TVP23A: variants seen among roughly 807,000 people sequenced by gnomAD.
The protein encoded by TVP23A is Golgi apparatus membrane protein TVP23 homolog A.
A neutral mutation model predicts 31.7 loss-of-function variants in TVP23A; 21 were observed. That is an observed-to-expected ratio of 0.66 (90% CI 0.47 to 0.95). The LOEUF is 0.95. TVP23A is among the 40% of genes least tolerant of loss of function. The probability of loss-of-function intolerance (pLI) is 0.00; values close to 1 mark genes in which losing one functional copy is unlikely to be tolerated. For synonymous variants in TVP23A, 104 were observed against 96.0 expected, an observed-to-expected ratio of 1.08 and a Z score of -0.49; for missense variants, 279 against 255.6, an observed-to-expected ratio of 1.09 and a Z score of -0.62.
Position 10,775,036 on chromosome 16 carries a change from C to G in TVP23A, c.150G>C (p.Val50=), listed in dbSNP as rs1353791070. ...AGCTCTTGCTGAACCAGTCGCAGCT[C>G]ACGTAGGTGACGATGGCACTCACTC... The part of the protein sequence containing the change: ...FFRVSAIVTY[V]SCDWFSKSFV... The change falls in exon 3 of 8, where the codon GTG becomes GTC. Residue 50 remains valine, a synonymous_variant. Coordinates refer to ENST00000299866, the MANE Select transcript of TVP23A (RefSeq NM_001079512.4). The G allele has an allele frequency of 6.2e-7, 1 of 1,612,254 alleles. No individual in the cohort carries two copies. The highest frequency in any genetic ancestry group is 1.1e-5 in the South Asian group (1 of 90,666).
chr16:10,788,799 A>T (rs531985794), intron 2 of TVP23A, among the ~76,000 whole-genome samples: 4 of 152,298 alleles, frequency 2.6e-5, no homozygotes, highest in African/African-American at 9.6e-5. Flanking sequence ...AACAGAGAGT[A>T]GCTAGTAGGA....
At chr16:10,761,236 T>C (rs1408599070) in exon 9 of TVP23A, 1 of 776,506 alleles carries the variant, frequency 1.3e-6, no homozygotes, top group Non-Finnish European at 2.1e-6. Flanking sequence ...AGCCAAACCC[T>C]ATCAGGGCAG....
At chr16:10,798,244 C>T (rs990624958) in intron 2 of TVP23A, among the ~76,000 whole-genome samples, 1 of 152,022 alleles carries the variant, frequency 6.6e-6, no homozygotes, top group African/African-American at 2.4e-5. Context: ...CAGGTGTGCG[C>T]CCGCGCCCGG....
chr16:10,768,233 G>A lies in TVP23A; in HGVS notation c.*869C>T, dbSNP rs1326117168. 2 of 444,294 alleles carry A rather than the reference G, an allele frequency of 4.5e-6. No individual in the cohort carries two copies. The highest frequency in any genetic ancestry group is 8.0e-6 in the Non-Finnish European group (2 of 250,186). 27.5% of individuals were successfully genotyped at this position (444,294 alleles called of 1,614,324 possible). The stretch of plus-strand genomic sequence containing the variant: ...ATTAATTCATAGTTTAAAAAACATG[G>A]TGAGGGTGAAATTTATGGCTTAGGA... On this transcript the variant is annotated 3_prime_UTR_variant, in exon 8 of 8. Transcript: ENST00000299866. This position sits in a 1 kb window ranked among gnomAD's most constrained non-coding sequence, Gnocchi z 4.3.
intron 2 of TVP23A, among the ~76,000 whole-genome samples, chr16:10,788,023 A>C (rs1378249195): frequency 1.3e-5 from 2 of 152,158 alleles, no homozygotes; most frequent in African/African-American, 4.8e-5. Context: ...GGGTCCTGAG[A>C]ACATGTGCCC....
intron 2 of TVP23A, among the ~76,000 whole-genome samples, chr16:10,789,989 T>C (rs983716081): frequency 2.0e-5 from 3 of 152,174 alleles, no homozygotes; most frequent in Non-Finnish European, 4.4e-5. Flanking sequence ...TCTAAAGACC[T>C]GGGATCAATA....
At chr16:10,812,598 G>A (rs9302453) in intron 2 of TVP23A, among the ~76,000 whole-genome samples, 87,648 of 152,096 alleles carry the variant, frequency 0.58, 28,127 homozygotes, top group African/African-American at 0.89. Context: ...GGCACATTTT[G>A]TAACATGGAT....
At chr16:10,792,917 A>C (rs1392737852) in intron 2 of TVP23A, among the ~76,000 whole-genome samples, 1 of 152,254 alleles carries the variant, frequency 6.6e-6, no homozygotes, top group Non-Finnish European at 1.5e-5. Context: ...GTTTATGTGT[A>C]GAAGTGAATA....
At chr16:10,810,375 C>T (rs1166078329) in intron 2 of TVP23A, among the ~76,000 whole-genome samples, 3 of 151,806 alleles carry the variant, frequency 2.0e-5, no homozygotes, top group African/African-American at 4.8e-5. Flanking sequence ...ATAGTGATCC[C>T]GTCTCTACAA....
chr16:10,803,300 A>T (rs8054084), intron 2 of TVP23A, among the ~76,000 whole-genome samples: 13,818 of 140,354 alleles, frequency 0.098, 1,611 homozygotes, highest in African/African-American at 0.3. Flanking sequence ...AGTCTGGGCG[A>T]CAGAGCAAGA....
intron 2 of TVP23A, among the ~76,000 whole-genome samples, chr16:10,794,318 C>T (rs1477714684): frequency 2.0e-5 from 3 of 152,176 alleles, no homozygotes; most frequent in African/African-American, 7.2e-5. Context: ...CCAATCTCTG[C>T]CTCTCCCTGT....
chr16:10,791,044 G>C (rs1376631474), intron 2 of TVP23A, among the ~76,000 whole-genome samples: 2 of 152,114 alleles, frequency 1.3e-5, no homozygotes. Flanking sequence ...TCAGTTGGTT[G>C]GGGGGCTTAG....
rs1316307548 is a variant in TVP23A at position 10,768,903 on chromosome 16, C to G, written c.*199G>C. 4.4e-6 allele frequency: 3 copies of G among 687,524 alleles called. No homozygotes were observed. Among genetic ancestry groups the G allele is most frequent in the Non-Finnish European group, 7.7e-6 (3 of 391,464 alleles). 42.6% of individuals were successfully genotyped at this position (687,524 alleles called of 1,614,324 possible). On this transcript the variant is annotated 3_prime_UTR_variant, in exon 8 of 8. Coordinates refer to ENST00000299866, the MANE Select transcript of TVP23A (RefSeq NM_001079512.4). The surrounding 1 kb of genome is among the most constrained non-coding windows in gnomAD (Gnocchi z 4.3). ...GGTATTCCGGTCACTTTCAAAGACT[C>G]AGGGCATCACAGACACAGGTCTTTT...
chr16:10,786,949 T>A (rs954441790), intron 2 of TVP23A, among the ~76,000 whole-genome samples: 4 of 151,204 alleles, frequency 2.6e-5, no homozygotes, highest in South Asian at 2.1e-4. Context: ...AAAAAAAAAA[T>A]TTAGACCTAA....
chr16:10,786,397 C>T (rs1274043970), intron 2 of TVP23A, among the ~76,000 whole-genome samples: 1 of 152,028 alleles, frequency 6.6e-6, no homozygotes, highest in African/African-American at 2.4e-5. Context: ...TATGATCACA[C>T]CACTGCACTC....
chr16:10,800,131 A>G (rs569714821), intron 2 of TVP23A, among the ~76,000 whole-genome samples: 2 of 143,582 alleles, frequency 1.4e-5, no homozygotes, highest in Non-Finnish European at 3.0e-5. Context: ...GGGTCTTGCT[A>G]TATTGTCCAG....
intron 2 of TVP23A, among the ~76,000 whole-genome samples, chr16:10,800,656 C>T (rs2033651306): frequency 6.6e-6 from 1 of 152,130 alleles, no homozygotes; most frequent in Non-Finnish European, 1.5e-5. Context: ...TTTATTTATT[C>T]TTTTTGAACA....
At chr16:10,778,205 G>A (rs1356874702) in intron 2 of TVP23A, among the ~76,000 whole-genome samples, 1 of 151,744 alleles carries the variant, frequency 6.6e-6, no homozygotes, top group South Asian at 2.1e-4. Context: ...GTGGTGGCAG[G>A]TGCCTGTAAT....
At chr16:10,772,423 G>A (rs1327817399) in intron 5 of TVP23A, among the ~76,000 whole-genome samples, 4 of 152,130 alleles carry the variant, frequency 2.6e-5, no homozygotes. Context: ...AGGCTGAAGT[G>A]CTGTGGCACG....
Sources: allele counts gnomAD v4.1 joint callset (sites outside exome capture counted in the v4.1 genomes callset), GRCh38; gene constraint gnomAD v4.1.1; non-coding constraint Gnocchi (gnomAD v3.1); transcripts MANE v1.5; gene names NCBI Gene and HGNC (gene_info 2026-07-23, HGNC 2026-07-21).